GRK5: variants seen among roughly 807,000 people sequenced by gnomAD.
GRK5 encodes g protein-coupled receptor kinase GRK5.
A neutral mutation model predicts 78.4 loss-of-function variants in GRK5; 40 were observed. That is an observed-to-expected ratio of 0.51 (90% CI 0.40 to 0.66). The LOEUF is 0.66. GRK5 is among the 30% of genes least tolerant of loss of function. The pLI, the probability that GRK5 is intolerant of heterozygous loss-of-function variation, is 0.00. For missense variants in GRK5, 598 were observed against 759.9 expected, an observed-to-expected ratio of 0.79 and a Z score of 2.50; for synonymous variants, 289 against 296.8, an observed-to-expected ratio of 0.97 and a Z score of 0.27.
chr10:119,444,894 C>T (rs534528530), intron 12 of GRK5, among the ~76,000 whole-genome samples: 8 of 152,352 alleles, frequency 5.3e-5, no homozygotes, highest in Middle Eastern at 3.4e-3. Context: ...GATTAAAAGT[C>T]GCAATGCTTC....
chr10:119,356,547 T>C (rs1387142608), intron 2 of GRK5, among the ~76,000 whole-genome samples: 1 of 152,244 alleles, frequency 6.6e-6, no homozygotes, highest in African/African-American at 2.4e-5. Flanking sequence ...GTCTATCTTC[T>C]TGATGCCCAA....
At chr10:119,408,071 G>T (rs1852271804) in intron 4 of GRK5, among the ~76,000 whole-genome samples, 1 of 149,672 alleles carries the variant, frequency 6.7e-6, no homozygotes, top group Admixed American at 6.7e-5. Flanking sequence ...GGTGAAGCAG[G>T]AGAATCGCTC....
rs1028175646 is a variant in GRK5 at position 119,217,249 on chromosome 10, C to T, written c.52+9280C>T. On this transcript the variant is annotated intron_variant, in intron 1 of 15. Coordinates refer to ENST00000392870, the MANE Select transcript of GRK5 (RefSeq NM_005308.3). This position sits in a 1 kb window ranked among gnomAD's most constrained non-coding sequence, Gnocchi z 4.1. ...TAATTTCTGTCTCAGACCGTGATTT[C>T]AGCTGAGGGCCAGTTTGAGAGCAGT... Among the ~76,000 whole-genome samples, 2 of 152,202 alleles carry T rather than the reference C, an allele frequency of 1.3e-5. No homozygotes were observed. The highest frequency in any genetic ancestry group is 4.1e-4 in the South Asian group (2 of 4,834).
intron 1 of GRK5, among the ~76,000 whole-genome samples, chr10:119,222,335 G>C (rs1297266915): frequency 5.9e-5 from 9 of 152,086 alleles, no homozygotes; most frequent in Admixed American, 5.9e-4. Context: ...AGGTCGGGGG[G>C]CAGAAAGTGT....
intron 2 of GRK5, among the ~76,000 whole-genome samples, chr10:119,361,559 G>A (rs1851362961): frequency 6.6e-6 from 1 of 152,192 alleles, no homozygotes; most frequent in South Asian, 2.1e-4. Flanking sequence ...AATCAGCCAA[G>A]CGGATTTCAA....
intron 11 of GRK5, 144 bp downstream of exon 11, chr10:119,442,232 G>GCCCCCCAGCAGCC: frequency 1.4e-6 from 1 of 727,844 alleles, no homozygotes; most frequent in Non-Finnish European, 2.3e-6. Context: ...CTGCAGGGCT[G>GCCCCCCAGCAGCC]CTGGGGGGCG....
At chr10:119,300,972 C>T (rs547258509) in intron 1 of GRK5, among the ~76,000 whole-genome samples, 34 of 151,988 alleles carry the variant, frequency 2.2e-4, no homozygotes, top group Non-Finnish European at 4.1e-4. Flanking sequence ...GGCATGATGG[C>T]GGGCGCCTGT....
At chr10:119,351,183 T>A (rs7095594) in intron 2 of GRK5, among the ~76,000 whole-genome samples, 8,128 of 152,304 alleles carry the variant, frequency 0.053, 500 homozygotes, top group African/African-American at 0.15. Flanking sequence ...CACTATGTTA[T>A]TACTTAGAAA....
intron 3 of GRK5, among the ~76,000 whole-genome samples, chr10:119,388,006 G>A (rs893872009): frequency 6.0e-5 from 9 of 151,020 alleles, no homozygotes; most frequent in Admixed American, 3.3e-4. Flanking sequence ...GCTGGAGTGC[G>A]GTGGTATGAT....
intron 1 of GRK5, among the ~76,000 whole-genome samples, chr10:119,282,190 C>T (rs552911285): frequency 6.6e-6 from 1 of 152,222 alleles, no homozygotes; most frequent in South Asian, 2.1e-4. Context: ...TCCCCCCACT[C>T]ACATTTTGGG....
chr10:119,386,750 G>C (rs912585181), intron 3 of GRK5, among the ~76,000 whole-genome samples: 2 of 152,156 alleles, frequency 1.3e-5, no homozygotes, highest in Non-Finnish European at 2.9e-5. Flanking sequence ...AGACTTTATT[G>C]AGTTTTCCAG....
intron 4 of GRK5, among the ~76,000 whole-genome samples, chr10:119,418,987 C>T (rs966342741): frequency 6.6e-6 from 1 of 152,228 alleles, no homozygotes; most frequent in Non-Finnish European, 1.5e-5. Flanking sequence ...TCAGCTCCAT[C>T]CCAGAGGGAC....
chr10:119,298,904 G>A (rs1381655057), intron 1 of GRK5, among the ~76,000 whole-genome samples: 6 of 151,788 alleles, frequency 4.0e-5, no homozygotes, highest in Non-Finnish European at 8.8e-5. Flanking sequence ...CCTGCCACAG[G>A]GCCTCCCTGA....
At chr10:119,354,685 C>G (rs1851240242) in intron 2 of GRK5, among the ~76,000 whole-genome samples, 1 of 152,090 alleles carries the variant, frequency 6.6e-6, no homozygotes, top group South Asian at 2.1e-4. Flanking sequence ...TGCAGCTGCA[C>G]CCAGCCCATC....
chr10:119,395,119 C>T lies in GRK5; in HGVS notation c.262-1576C>T, dbSNP rs548236254. 1.4e-4 allele frequency among the ~76,000 whole-genome samples: 20 copies of T among 143,712 alleles called. 1 individual carries two copies. In the South Asian group the frequency reaches 4.4e-3, roughly 31 times the overall value. The allele number at this position is 143,712 out of a possible 152,430, so 94.3% of individuals were successfully genotyped here. On this transcript the variant is annotated intron_variant, in intron 3 of 15. Coordinates refer to ENST00000392870, the MANE Select transcript of GRK5 (RefSeq NM_005308.3). ...CTGTGACCTTGGACCTTGGGCAAGT[C>T]CCTGACTTCTCTGAGCCTCTGTGTC...
At chr10:119,356,741 G>T (rs140997297) in intron 2 of GRK5, among the ~76,000 whole-genome samples, 2 of 152,300 alleles carry the variant, frequency 1.3e-5, no homozygotes, top group East Asian at 3.9e-4. Flanking sequence ...AAACAGAACT[G>T]CAGCCCTTCT....
At chr10:119,296,305 C>T (rs1850080633) in intron 1 of GRK5, among the ~76,000 whole-genome samples, 1 of 152,240 alleles carries the variant, frequency 6.6e-6, no homozygotes, top group Non-Finnish European at 1.5e-5. Flanking sequence ...AGACACCCTC[C>T]ATCAGTTCTA....
At chr10:119,413,844 C>T (rs929450975) in intron 4 of GRK5, among the ~76,000 whole-genome samples, 2 of 152,186 alleles carry the variant, frequency 1.3e-5, no homozygotes, top group Non-Finnish European at 2.9e-5. Flanking sequence ...CCCTCAGGCG[C>T]CCACAGCAGC....
chr10:119,231,860 G>A lies in GRK5; in HGVS notation c.52+23891G>A, dbSNP rs866741199. Among the ~76,000 whole-genome samples the A allele has an allele frequency of 7.6e-4, 116 of 152,136 alleles. 1 individual carries two copies. The highest frequency in any genetic ancestry group is 2.8e-3 in the African/African-American group (114 of 41,416). ...ATACCGGAGACGATGTAGAGAAAAGGGAACTCATACACTGTTGGTGGGAAT... is the reference window on the plus strand; with the variant it reads ...ATACCGGAGACGATGTAGAGAAAAGAGAACTCATACACTGTTGGTGGGAAT... On this transcript the variant is annotated intron_variant, in intron 1 of 15. Transcript: ENST00000392870.
Sources: gnomAD v4.1 joint callset for allele counts (sites outside exome capture counted in the v4.1 genomes callset) on GRCh38, gnomAD v4.1.1 for gene constraint, Gnocchi (gnomAD v3.1) non-coding constraint, MANE v1.5 for transcripts, NCBI Gene and HGNC (gene_info 2026-07-23, HGNC 2026-07-21) for gene names.